The following CTNNA3 variants were observed in gnomAD, a reference collection of about 807,000 sequenced individuals.
CTNNA3 encodes catenin alpha-3.
CTNNA3 carries 76 observed loss-of-function variants against 95.7 expected under a neutral mutation model. The observed-to-expected ratio is 0.79, with a 90% CI of 0.66 to 0.96. CTNNA3 has a LOEUF of 0.96. CTNNA3 is among the 40% of genes least tolerant of loss of function. CTNNA3 has a pLI of 0.00. For missense variants in CTNNA3, 1,191 were observed against 1,089.8 expected (o/e 1.09, Z -1.31); for synonymous variants, 431 against 374.4 (o/e 1.15, Z -1.74).
In CTNNA3 at chr10:66,155,566, C is replaced by T. The variant is rs533129439; in HGVS notation, c.1885-52317G>A. Among the ~76,000 whole-genome samples the T allele has an allele frequency of 2.6e-5, 4 of 151,932 alleles. No homozygotes were observed. The Admixed American group carries it at 2.6e-4, about 10-fold the overall frequency. On this transcript the variant is annotated intron_variant, in intron 13 of 17. Coordinates refer to ENST00000433211, the MANE Select transcript of CTNNA3 (RefSeq NM_013266.4). ...ACCCACACACGTTCCTGATCTACAG[C>T]AACAACAATAATATGAAGCTTTGGT...
At chr10:67,723,537 G>A (rs925226686) in intron 1 of CTNNA3, among the ~76,000 whole-genome samples, 7 of 152,072 alleles carry the variant, frequency 4.6e-5, no homozygotes, top group African/African-American at 1.4e-4. Context: ...CAAGCAATCT[G>A]CCTGCCTCAG....
chr10:66,149,063 G>T (rs949295830), intron 13 of CTNNA3, among the ~76,000 whole-genome samples: 4 of 150,392 alleles, frequency 2.7e-5, no homozygotes, highest in African/African-American at 9.7e-5. Flanking sequence ...ACTTGTTATA[G>T]TTTATAGTTC....
At chr10:66,699,160 C>T (rs1294162729) in intron 9 of CTNNA3, among the ~76,000 whole-genome samples, 3 of 152,058 alleles carry the variant, frequency 2.0e-5, no homozygotes, top group Admixed American at 6.5e-5. Flanking sequence ...TATATTGTGG[C>T]TAAGGTTGCA....
chr10:67,137,680 A>G (rs2132034150), intron 7 of CTNNA3, among the ~76,000 whole-genome samples: 1 of 152,328 alleles, frequency 6.6e-6, no homozygotes, highest in South Asian at 2.1e-4. Context: ...ACTGAATAGC[A>G]TGAACTAACA....
intron 11 of CTNNA3, among the ~76,000 whole-genome samples, chr10:66,463,069 T>A (rs1302084920): frequency 6.6e-6 from 1 of 152,208 alleles, no homozygotes; most frequent in African/African-American, 2.4e-5. Context: ...TCTGCATTGC[T>A]ATTACTTCTA....
At chr10:67,754,506 C>A (rs1589590011) in intron 1 of CTNNA3, among the ~76,000 whole-genome samples, 1 of 152,060 alleles carries the variant, frequency 6.6e-6, no homozygotes, top group African/African-American at 2.4e-5. Context: ...AGACCCCTAT[C>A]TCTCACCATA....
intron 10 of CTNNA3, among the ~76,000 whole-genome samples, chr10:66,537,887 A>T (rs1239017645): frequency 3.3e-5 from 5 of 152,116 alleles, no homozygotes; most frequent in African/African-American, 1.2e-4. Flanking sequence ...AGATCTCCAT[A>T]GTTCCCAGGT....
chr10:67,459,777 C>A (rs1461561731), intron 5 of CTNNA3, among the ~76,000 whole-genome samples: 1 of 152,082 alleles, frequency 6.6e-6, no homozygotes, highest in Non-Finnish European at 1.5e-5. Flanking sequence ...AGATTAAATG[C>A]CTTAGCTTTG....
intron 7 of CTNNA3, among the ~76,000 whole-genome samples, chr10:67,000,500 G>A (rs1456314279): frequency 1.3e-5 from 2 of 152,086 alleles, no homozygotes; most frequent in African/African-American, 4.8e-5. Flanking sequence ...CCACTTAATT[G>A]GGCTTAAGGC....
intron 13 of CTNNA3, among the ~76,000 whole-genome samples, chr10:66,137,164 A>T (rs1245000627): frequency 6.6e-6 from 1 of 152,050 alleles, no homozygotes; most frequent in African/African-American, 2.4e-5. Flanking sequence ...TAGCTCAGAG[A>T]CTTCTTGAGA....
intron 5 of CTNNA3, among the ~76,000 whole-genome samples, chr10:67,369,678 G>A (rs1843345552): frequency 6.6e-6 from 1 of 152,030 alleles, no homozygotes. Flanking sequence ...AAGAAAATGG[G>A]TAAAGAATGT....
intron 7 of CTNNA3, among the ~76,000 whole-genome samples, chr10:66,804,506 T>C (rs1209341316): frequency 7.9e-5 from 12 of 152,072 alleles, no homozygotes; most frequent in Non-Finnish European, 1.3e-4. Flanking sequence ...GCCTTTTATG[T>C]CTACAATATA....
At chr10:67,034,803 C>T (rs1250217751) in intron 7 of CTNNA3, among the ~76,000 whole-genome samples, 2 of 152,160 alleles carry the variant, frequency 1.3e-5, no homozygotes, top group Non-Finnish European at 2.9e-5. Context: ...CCCAACCTAC[C>T]ATATCAGTCT....
chr10:67,228,198 C>T lies in CTNNA3; in HGVS notation c.580-8328G>A, dbSNP rs139996406. ...AGATCAGAGCAGAACTAAATGAAAT[C>T]GAAACAAAATGAAAACAGATGATAA... On this transcript the variant is annotated intron_variant, in intron 5 of 17. Transcript: ENST00000433211. Among the ~76,000 whole-genome samples, 892 of 151,906 alleles carry T rather than the reference C, an allele frequency of 5.9e-3. 5 individuals carry two copies. Among genetic ancestry groups the T allele is most frequent in the South Asian group, 0.019 (90 of 4,810 alleles).
intron 3 of CTNNA3, among the ~76,000 whole-genome samples, chr10:67,557,253 G>T (rs912939064): frequency 1.3e-5 from 2 of 152,134 alleles, no homozygotes; most frequent in Non-Finnish European, 2.9e-5. Flanking sequence ...AAGAAAGTTG[G>T]TGATATTCAT....
At chr10:66,935,093 T>G (rs1326322996) in intron 7 of CTNNA3, among the ~76,000 whole-genome samples, 1 of 152,078 alleles carries the variant, frequency 6.6e-6, no homozygotes, top group Non-Finnish European at 1.5e-5. Flanking sequence ...CTATGTACTT[T>G]CTAAAAGAAA....
chr10:66,243,444 T>C (rs996449443), intron 13 of CTNNA3, among the ~76,000 whole-genome samples: 10 of 152,162 alleles, frequency 6.6e-5, no homozygotes, highest in African/African-American at 1.2e-4. Context: ...AATAAGAAAT[T>C]TGGTCTCCCA....
At chr10:67,655,264 G>C (rs1052627176) in intron 1 of CTNNA3, among the ~76,000 whole-genome samples, 1 of 152,100 alleles carries the variant, frequency 6.6e-6, no homozygotes, top group African/African-American at 2.4e-5. Flanking sequence ...GTATCTTTGG[G>C]CTTCATGGAT....
intron 7 of CTNNA3, among the ~76,000 whole-genome samples, chr10:67,145,850 T>A (rs1477784809): frequency 6.6e-6 from 1 of 152,232 alleles, no homozygotes; most frequent in African/African-American, 2.4e-5. Flanking sequence ...AGATGTTTAG[T>A]CAGCAAATAT....
Sources: allele counts gnomAD v4.1 joint callset (sites outside exome capture counted in the v4.1 genomes callset), GRCh38; gene constraint gnomAD v4.1.1; transcripts MANE v1.5; gene names NCBI Gene and HGNC (gene_info 2026-07-23, HGNC 2026-07-21).